NADK2: variants seen among roughly 807,000 people sequenced by gnomAD.
The protein encoded by NADK2 is NAD kinase 2, mitochondrial, also known as NAD kinase domain-containing protein 1, mitochondrial.
NADK2 carries 35 observed loss-of-function variants against 62.1 expected under a neutral mutation model. The ratio of observed to expected loss-of-function variants is 0.56; its 90% CI spans 0.43 to 0.75. The LOEUF (loss-of-function observed/expected upper bound fraction) is 0.75. NADK2 is among the 30% of genes least tolerant of loss of function. The pLI, the probability that NADK2 is intolerant of heterozygous loss-of-function variation, is 0.00. For missense variants in NADK2, 439 were observed against 561.3 expected (o/e 0.78, Z 2.20); for synonymous variants, 205 against 207.9 (o/e 0.99, Z 0.12).
Position 36,234,527 on chromosome 5 carries a change from T to A in NADK2, c.301-6962A>T, listed in dbSNP as rs146469393. 8.6e-3 allele frequency among the ~76,000 whole-genome samples: 1,304 copies of A among 152,270 alleles called. 19 individuals carry two copies. Among genetic ancestry groups the A allele is most frequent in the African/African-American group, 0.03 (1,255 of 41,564 alleles). On this transcript the variant is annotated intron_variant, in intron 1 of 11. Transcript: ENST00000381937. ...ACTAACTTTTAAAAGACACACATGA[T>A]GTTACACTTGTTTATGGATACTGTC...
chr5:36,203,531 A>G (rs969835024), intron 8 of NADK2, among the ~76,000 whole-genome samples: 1 of 152,070 alleles, frequency 6.6e-6, no homozygotes, highest in Non-Finnish European at 1.5e-5. Flanking sequence ...GGGATAGGAT[A>G]TAGCTTGTGA....
chr5:36,203,849 A>G (rs1486915394), intron 8 of NADK2, among the ~76,000 whole-genome samples: 2 of 152,132 alleles, frequency 1.3e-5, no homozygotes, highest in Admixed American at 6.6e-5. Flanking sequence ...ATTTATCTTG[A>G]TAATTCTTCA....
intron 11 of NADK2, among the ~76,000 whole-genome samples, chr5:36,196,317 G>A (rs1362616180): frequency 6.6e-6 from 1 of 152,128 alleles, no homozygotes; most frequent in Admixed American, 6.6e-5. Context: ...TGGTACTTTA[G>A]CCATTCTGGT....
chr5:36,235,643 C>T (rs568893431), intron 1 of NADK2, among the ~76,000 whole-genome samples: 12 of 152,188 alleles, frequency 7.9e-5, no homozygotes, highest in African/African-American at 2.9e-4. Flanking sequence ...AACATTCCTA[C>T]ATTAGCCATA....
chr5:36,223,470 A>T (rs750662956), intron 4 of NADK2, among the ~76,000 whole-genome samples: 20 of 152,200 alleles, frequency 1.3e-4, no homozygotes, highest in Non-Finnish European at 2.8e-4. Context: ...CACAATATGT[A>T]AAAACACCAG....
intron 4 of NADK2, chr5:36,221,960 C>T (rs1747286127): frequency 6.6e-6 from 1 of 152,146 alleles, no homozygotes; most frequent in Non-Finnish European, 1.5e-5. Flanking sequence ...GGTTCTATCC[C>T]TATTCCCTAA....
rs57763251 is a variant in NADK2, at chr5:36,197,253, T to C, written c.1190+288A>G. Among the ~76,000 whole-genome samples, 673 of 152,222 alleles carry C rather than the reference T, an allele frequency of 4.4e-3. 7 individuals carry two copies. The highest frequency in any genetic ancestry group is 0.015 in the African/African-American group (630 of 41,564). On this transcript the variant is annotated intron_variant, in intron 11 of 11. Coordinates refer to ENST00000381937, the MANE Select transcript of NADK2 (RefSeq NM_001085411.3). The stretch of plus-strand genomic sequence containing the variant: ...TTCTATTCAGCTTCTTTTACAATTA[T>C]TGTGTCTTCGTTCATTTTTTAAAAA...
intron 8 of NADK2, among the ~76,000 whole-genome samples, chr5:36,203,071 A>G (rs1378763134): frequency 6.6e-6 from 1 of 152,118 alleles, no homozygotes; most frequent in Non-Finnish European, 1.5e-5. Flanking sequence ...TTTCTTTCCA[A>G]TGATTCTTCA....
At position 36,215,725 on chromosome 5, in the gene NADK2, G is replaced by A. The variant is rs1313044930; in HGVS notation, c.781+2023C>T. ...TGTCTTTCTATGCTTGACTTATTTC[G>A]CTTCACATAGTGACCTCCAGTTCCA... On this transcript the variant is annotated intron_variant, in intron 6 of 11. Coordinates refer to ENST00000381937, the MANE Select transcript of NADK2 (RefSeq NM_001085411.3). Among the ~76,000 whole-genome samples, 5 of 152,080 alleles carry A rather than the reference G, an allele frequency of 3.3e-5. No homozygotes were observed. In the South Asian group the frequency reaches 6.2e-4, roughly 19 times the overall value.
intron 8 of NADK2, among the ~76,000 whole-genome samples, chr5:36,206,573 T>A (rs918138600): frequency 6.6e-6 from 1 of 152,050 alleles, no homozygotes; most frequent in South Asian, 2.1e-4. Flanking sequence ...GCTGATGGTA[T>A]TCATCAATAT....
chr5:36,220,912 A>C (rs971803449), intron 4 of NADK2: 3 of 152,202 alleles, frequency 2.0e-5, no homozygotes, highest in Non-Finnish European at 4.4e-5. Context: ...GCTGCTTGTG[A>C]GTATCCTCAC....
intron 1 of NADK2, among the ~76,000 whole-genome samples, chr5:36,240,253 G>A (rs1292901448): frequency 6.6e-6 from 1 of 151,810 alleles, no homozygotes; most frequent in Non-Finnish European, 1.5e-5. Context: ...TTAGGAAAAA[G>A]AAAACAAATC....
intron 1 of NADK2, among the ~76,000 whole-genome samples, chr5:36,228,235 T>C (rs1358676157): frequency 1.3e-5 from 2 of 152,182 alleles, no homozygotes; most frequent in African/African-American, 4.8e-5. Flanking sequence ...CATTAAAATT[T>C]TTTTAACTAT....
At position 36,226,561 on chromosome 5, in the gene NADK2, T is replaced by C; in HGVS notation, c.392A>G (p.Asn131Ser). The C allele has an allele frequency of 6.2e-7, 1 of 1,609,694 alleles. No individual in the cohort carries two copies. The part of the protein sequence containing the change: ...NVEHIIDSLR[N>S]EGIEVRLVKR... ...TACTAGACGAACCTCAATTCCCTCA[T>C]TCCTAGGATAAAAAAGGAAAGGTTA... is the stretch of plus-strand genomic sequence containing the variant. Residue 131 changes from asparagine (N) to serine (S), a missense_variant and splice_region_variant, in exon 3 of 12, where the codon AAT (asparagine) becomes AGT (serine). Physicochemically the swap from Asn to Ser is conservative, Grantham distance 46. Coordinates refer to ENST00000381937, the MANE Select transcript of NADK2 (RefSeq NM_001085411.3).
intron 1 of NADK2, among the ~76,000 whole-genome samples, chr5:36,234,322 G>A (rs1016728389): frequency 9.9e-5 from 14 of 141,908 alleles, no homozygotes; most frequent in African/African-American, 3.2e-4. Flanking sequence ...GCAGTGAGTC[G>A]AGATCGCGCC....
At chr5:36,238,858 TG>T (rs1748004418) in intron 1 of NADK2, among the ~76,000 whole-genome samples, 5 of 152,210 alleles carry the variant, frequency 3.3e-5, no homozygotes, top group Admixed American at 2.0e-4. Flanking sequence ...GTCAAAACTT[TG>T]ACTAGCTTGA....
chr5:36,227,630 G>A, intron 1 of NADK2, 65 bp from the exon 2 acceptor site: 2 of 860,306 alleles, frequency 2.3e-6, no homozygotes, highest in South Asian at 3.2e-5. Flanking sequence ...CTAATATTAT[G>A]ATTTTTAAAA....
rs1746489830 is a variant in NADK2, at chr5:36,202,643, T to C, written c.957-1482A>G. 2.0e-5 allele frequency among the ~76,000 whole-genome samples: 3 copies of C among 152,072 alleles called. 1 individual carries two copies. The South Asian group carries it at 6.2e-4, about 31-fold the overall frequency. On this transcript the variant is annotated intron_variant, in intron 8 of 11. Coordinates refer to ENST00000381937, the MANE Select transcript of NADK2 (RefSeq NM_001085411.3). Reference sequence around the variant, plus strand: ...CATGCCATATAGTCATGTGACTGAGTTGTAGCTAATGGAATCAGAGTGGAC... The same window carrying C: ...CATGCCATATAGTCATGTGACTGAGCTGTAGCTAATGGAATCAGAGTGGAC...
chr5:36,238,322 G>A (rs969552928), intron 1 of NADK2, among the ~76,000 whole-genome samples: 1 of 152,086 alleles, frequency 6.6e-6, no homozygotes, highest in African/African-American at 2.4e-5. Flanking sequence ...CAATAACACG[G>A]CAGACTGTTA....
Sources: allele counts gnomAD v4.1 joint callset (sites outside exome capture counted in the v4.1 genomes callset), GRCh38; gene constraint gnomAD v4.1.1; transcripts MANE v1.5; gene names NCBI Gene and HGNC (gene_info 2026-07-23, HGNC 2026-07-21).